The following SORCS3 variants were observed in gnomAD, a reference collection of about 807,000 sequenced individuals.
SORCS3 encodes VPS10 domain-containing receptor SorCS3.
SORCS3 carries 57 observed loss-of-function variants against 146.3 expected under a neutral mutation model. That is an observed-to-expected ratio of 0.39 (90% CI 0.31 to 0.49). The LOEUF (loss-of-function observed/expected upper bound fraction) is 0.49, where lower values mean the gene tolerates loss of function less well. Ranked by LOEUF, SORCS3 falls within the 20% of genes least tolerant of loss-of-function variation. The pLI is 0.92. For synonymous variants in SORCS3, 653 were observed against 618.5 expected (o/e 1.06, Z -0.83); for missense variants, 1,341 against 1,575.5 (o/e 0.85, Z 2.52).
At chr10:105,159,378 G>A (rs1347736513) in intron 11 of SORCS3, among the ~76,000 whole-genome samples, 2 of 152,194 alleles carry the variant, frequency 1.3e-5, no homozygotes, top group African/African-American at 4.8e-5. Flanking sequence ...TTGAACAGAT[G>A]ATTCTTTACA....
chr10:105,196,628 C>T (rs1345757570), intron 14 of SORCS3, among the ~76,000 whole-genome samples: 3 of 152,020 alleles, frequency 2.0e-5, no homozygotes, highest in Non-Finnish European at 4.4e-5. Flanking sequence ...AAAGAAAGTT[C>T]TCTCACATTT....
chr10:104,838,536 A>G (rs1404279932), intron 1 of SORCS3, among the ~76,000 whole-genome samples: 1 of 152,212 alleles, frequency 6.6e-6, no homozygotes, highest in South Asian at 2.1e-4. Context: ...GCTGGGCTCC[A>G]GGGGAAAAGG....
intron 1 of SORCS3, among the ~76,000 whole-genome samples, chr10:104,749,987 G>A (rs1175347577): frequency 2.0e-5 from 3 of 152,060 alleles, no homozygotes; most frequent in African/African-American, 4.8e-5. Context: ...TTATTAAATG[G>A]CTATATAACT....
At chr10:105,075,539 A>G (rs2055583330) in intron 5 of SORCS3, among the ~76,000 whole-genome samples, 1 of 151,932 alleles carries the variant, frequency 6.6e-6, no homozygotes. Context: ...GCCCTCTCCT[A>G]ATGGGTGTGG....
At chr10:104,689,659 G>T (rs977014115) in intron 1 of SORCS3, among the ~76,000 whole-genome samples, 1 of 152,044 alleles carries the variant, frequency 6.6e-6, no homozygotes, top group Non-Finnish European at 1.5e-5. Flanking sequence ...ATTACAACTT[G>T]ACCTTTTTTT....
rs969596551 is a variant in SORCS3, at chr10:105,193,864, G to C, written c.2010-6135G>C. Among the ~76,000 whole-genome samples, 4 of 152,228 alleles carry C rather than the reference G, an allele frequency of 2.6e-5. No individual in the cohort carries two copies. The East Asian group carries it at 7.7e-4, about 29-fold the overall frequency. On this transcript the variant is annotated intron_variant, in intron 14 of 26. Coordinates refer to ENST00000369701, the MANE Select transcript of SORCS3 (RefSeq NM_014978.3). ...ACCTGTAACCAGAGTCATGTTAGCA[G>C]TGTAGGCATTTAGAATCAGAGGAGT...
intron 4 of SORCS3, among the ~76,000 whole-genome samples, chr10:105,039,210 T>C (rs2055323777): frequency 6.6e-6 from 1 of 152,146 alleles, no homozygotes; most frequent in Non-Finnish European, 1.5e-5. Flanking sequence ...CGTGGTAGAA[T>C]AAAATATGTT....
intron 9 of SORCS3, among the ~76,000 whole-genome samples, chr10:105,150,893 C>A (rs791135): frequency 6.6e-6 from 1 of 152,220 alleles, no homozygotes; most frequent in East Asian, 1.9e-4. Context: ...ATGTACCATA[C>A]GGCCAGTTAG....
chr10:104,984,255 A>G (rs2054949275), intron 4 of SORCS3, among the ~76,000 whole-genome samples: 1 of 152,244 alleles, frequency 6.6e-6, no homozygotes. Context: ...GAATTTATTG[A>G]CATTCAGTAA....
chr10:105,244,787 G>A (rs979000734), intron 20 of SORCS3, among the ~76,000 whole-genome samples: 8 of 152,046 alleles, frequency 5.3e-5, no homozygotes, highest in Non-Finnish European at 8.8e-5. Flanking sequence ...GGCAATGTGC[G>A]GCCGGGCGCA....
At chr10:104,975,181 C>T (rs1343390479) in intron 3 of SORCS3, among the ~76,000 whole-genome samples, 1 of 152,160 alleles carries the variant, frequency 6.6e-6, no homozygotes, top group African/African-American at 2.4e-5. Context: ...AGCCCAAAAT[C>T]TCCTTAAGCT....
intron 3 of SORCS3, among the ~76,000 whole-genome samples, chr10:104,969,304 TG>T (rs2054844749): frequency 1.3e-4 from 1 of 7,966 alleles, no homozygotes; most frequent in Non-Finnish European, 3.0e-4. Context: ...CAAAAAGGAT[TG>T]TGTGTGTGTG....
At chr10:105,017,657 A>G (rs192995565) in intron 4 of SORCS3, among the ~76,000 whole-genome samples, 5 of 152,350 alleles carry the variant, frequency 3.3e-5, no homozygotes, top group African/African-American at 1.2e-4. Context: ...GCTGCATTCT[A>G]AAGTGCCATG....
chr10:105,202,718 A>G (rs1050164640), intron 16 of SORCS3, among the ~76,000 whole-genome samples: 20 of 152,142 alleles, frequency 1.3e-4, no homozygotes, highest in Admixed American at 1.3e-3. Context: ...GAGTTGTAGC[A>G]TGTTTCTGAA....
At chr10:104,770,083 G>T (rs1250796983) in intron 1 of SORCS3, among the ~76,000 whole-genome samples, 1 of 152,154 alleles carries the variant, frequency 6.6e-6, no homozygotes, top group African/African-American at 2.4e-5. Flanking sequence ...CTATTAAAAA[G>T]TTAGATTCCT....
At chr10:105,217,821 A>G in intron 19 of SORCS3, 1 of 454,080 alleles carries the variant, frequency 2.2e-6, no homozygotes, top group South Asian at 1.6e-5. Flanking sequence ...ATGTAAACTG[A>G]AACTTTAATA....
intron 4 of SORCS3, among the ~76,000 whole-genome samples, chr10:104,997,709 G>A (rs1318936516): frequency 6.6e-6 from 1 of 152,154 alleles, no homozygotes; most frequent in Non-Finnish European, 1.5e-5. Flanking sequence ...CTTCTTCAAT[G>A]TCTGTGTCAT....
At chr10:104,683,552 T>A (rs996196617) in intron 1 of SORCS3, among the ~76,000 whole-genome samples, 1 of 152,200 alleles carries the variant, frequency 6.6e-6, no homozygotes, top group Admixed American at 6.5e-5. Flanking sequence ...TTTTTACCCT[T>A]TTGCCTTGAT....
At chr10:105,005,504 G>T (rs1462354710) in intron 4 of SORCS3, among the ~76,000 whole-genome samples, 2 of 151,290 alleles carry the variant, frequency 1.3e-5, no homozygotes, top group African/African-American at 4.9e-5. Flanking sequence ...TGGAGGATGA[G>T]TAGTTGCTAG....
Sources: allele counts gnomAD v4.1 joint callset (sites outside exome capture counted in the v4.1 genomes callset), GRCh38; gene constraint gnomAD v4.1.1; transcripts MANE v1.5; gene names NCBI Gene and HGNC (gene_info 2026-07-23, HGNC 2026-07-21).